EYA1: variants seen among roughly 807,000 people sequenced by gnomAD.
EYA1 encodes the protein EYA transcriptional coactivator and phosphatase 1.
EYA1 carries 16 observed loss-of-function variants against 82.0 expected under a neutral mutation model. The ratio of observed to expected loss-of-function variants is 0.20; its 90% confidence interval spans 0.13 to 0.30. The LOEUF (loss-of-function observed/expected upper bound fraction) is 0.30. Among genes scored for constraint, EYA1 ranks in the 10% least tolerant of loss-of-function variants. The probability of loss-of-function intolerance (pLI) is 1.00; values close to 1 mark genes in which losing one functional copy is unlikely to be tolerated. For missense variants in EYA1, 633 were observed against 730.7 expected (o/e 0.87, Z 1.54); for synonymous variants, 261 against 264.4 (o/e 0.99, Z 0.12).
chr8:71,448,009 C>CTT lies in EYA1; in HGVS notation c.33+87733_33+87734dup, dbSNP rs548078514. The stretch of plus-strand genomic sequence containing the variant: ...CATGGAATGCAAAGCTGTTTAAGAG[C>CTT]TTTTTTTTTTTTTTTTTCTCGCTCC... On this transcript the variant is annotated intron_variant, in intron 2 of 18. Transcript: ENST00000643681. Among the ~76,000 whole-genome samples the CTT allele has an allele frequency of 3.7e-4, 26 of 70,804 alleles. 1 individual carries two copies. The highest frequency in any genetic ancestry group is 9.0e-4 in the East Asian group (1 of 1,116). The allele number at this position is 70,804 out of a possible 152,430, so 46.5% of individuals were successfully genotyped here.
At chr8:71,488,703 T>C (rs1810759445) in intron 2 of EYA1, among the ~76,000 whole-genome samples, 1 of 152,362 alleles carries the variant, frequency 6.6e-6, no homozygotes, top group South Asian at 2.1e-4. Flanking sequence ...AGCTGGTCTC[T>C]ACACACTTTA....
At position 71,215,506 on chromosome 8, in the gene EYA1, G is replaced by C; in HGVS notation, c.1478C>G (p.Thr493Arg). 2.5e-6 allele frequency: 4 copies of C among 1,613,716 alleles called. No individual in the cohort carries two copies. The highest frequency in any genetic ancestry group is 3.4e-6 in the Non-Finnish European group (4 of 1,179,638). The change falls in exon 16 of 18, where the codon ACA (threonine) becomes AGA (arginine). Residue 493 changes from threonine to arginine, a missense_variant and splice_region_variant. Thr to Arg is a moderately conservative substitution (Grantham distance 71). Coordinates refer to ENST00000340726, the MANE Select transcript of EYA1 (RefSeq NM_000503.6). Reference sequence around the variant, plus strand: ...TGTTACTAAAATATTCACACAGTTTGTCCTATGAGAACAAAAAGAAAACAA... The same window carrying C: ...TGTTACTAAAATATTCACACAGTTTCTCCTATGAGAACAAAAAGAAAACAA... ...LKALSLIHSR[T>R]NCVNILVTTT...
intron 12 of EYA1, among the ~76,000 whole-genome samples, chr8:71,233,965 T>C (rs1811532785): frequency 6.6e-6 from 1 of 152,186 alleles, no homozygotes; most frequent in Non-Finnish European, 1.5e-5. Context: ...CCTCAAGGGA[T>C]TTCCCAGTGG....
intron 4 of EYA1, among the ~76,000 whole-genome samples, chr8:71,332,570 T>C (rs184054675): frequency 3.3e-5 from 5 of 152,302 alleles, no homozygotes; most frequent in African/African-American, 1.2e-4. Context: ...TATTTCTTGC[T>C]CAAATTAATA....
intron 2 of EYA1, among the ~76,000 whole-genome samples, chr8:71,367,223 T>A (rs926489902): frequency 4.6e-5 from 7 of 152,174 alleles, no homozygotes; most frequent in African/African-American, 7.2e-5. Context: ...AGCAATTATA[T>A]GCATGTCTTG....
chr8:71,237,381 A>G (rs914319976), intron 12 of EYA1, among the ~76,000 whole-genome samples: 13 of 152,156 alleles, frequency 8.5e-5, no homozygotes, highest in African/African-American at 3.1e-4. Context: ...TTATCTGTTC[A>G]TGGTCTTTGC....
At chr8:71,250,935 A>C (rs1253051702) in intron 11 of EYA1, among the ~76,000 whole-genome samples, 1 of 152,234 alleles carries the variant, frequency 6.6e-6, no homozygotes, top group African/African-American at 2.4e-5. Context: ...TGTCAGTGAA[A>C]AAACAATTCC....
At chr8:71,455,711 T>G (rs1266866950) in intron 2 of EYA1, among the ~76,000 whole-genome samples, 2 of 152,200 alleles carry the variant, frequency 1.3e-5, no homozygotes, top group East Asian at 3.9e-4. Context: ...TCAACAGCCT[T>G]CCTGCTAAAA....
chr8:71,510,165 T>A (rs1812488286), intron 2 of EYA1, among the ~76,000 whole-genome samples: 1 of 152,180 alleles, frequency 6.6e-6, no homozygotes, highest in Admixed American at 6.6e-5. Context: ...TGTACTCATT[T>A]TCATACTTTA....
chr8:71,325,509 A>G (rs1823051166), intron 4 of EYA1, among the ~76,000 whole-genome samples: 1 of 152,190 alleles, frequency 6.6e-6, no homozygotes. Context: ...GAATCAACAC[A>G]CACTATTTGT....
intron 2 of EYA1, among the ~76,000 whole-genome samples, chr8:71,468,778 A>G (rs1808963385): frequency 6.6e-6 from 1 of 152,094 alleles, no homozygotes; most frequent in Non-Finnish European, 1.5e-5. Flanking sequence ...AGCCTTTGAG[A>G]TAACGTGCTC....
rs144507978 is a variant in EYA1, at chr8:71,247,749, A to T, written c.1051-3057T>A. ...AAGCAAATGCTCAAATAGACCCTAC[A>T]GCTGAATTAACCTGTAGGGGAAGCT... On this transcript the variant is annotated intron_variant, in intron 11 of 17. Transcript: ENST00000340726. Among the ~76,000 whole-genome samples the T allele has an allele frequency of 3.2e-3, 483 of 152,322 alleles. 1 individual carries two copies. The highest frequency in any genetic ancestry group is 5.2e-3 in the Non-Finnish European group (357 of 68,038).
At chr8:71,468,227 A>G (rs1808917685) in intron 2 of EYA1, among the ~76,000 whole-genome samples, 1 of 152,116 alleles carries the variant, frequency 6.6e-6, no homozygotes, top group African/African-American at 2.4e-5. Flanking sequence ...CCATTAGGCA[A>G]AGAATAACCC....
chr8:71,240,031 A>G (rs1010398408), intron 12 of EYA1, among the ~76,000 whole-genome samples: 2 of 152,224 alleles, frequency 1.3e-5, no homozygotes, highest in Admixed American at 6.5e-5. Flanking sequence ...CATAAATAAC[A>G]CATATTAAAA....
chr8:71,274,770 C>T (rs1361161137), intron 9 of EYA1, among the ~76,000 whole-genome samples: 1 of 152,186 alleles, frequency 6.6e-6, no homozygotes, highest in African/African-American at 2.4e-5. Context: ...TGCAGGCTTA[C>T]AGAAGCTTCC....
At chr8:71,413,285 C>T (rs1830700398) in intron 2 of EYA1, among the ~76,000 whole-genome samples, 1 of 152,212 alleles carries the variant, frequency 6.6e-6, no homozygotes, top group Admixed American at 6.5e-5. Context: ...CAGCCTGCCT[C>T]CCTAACAGAA....
intron 2 of EYA1, among the ~76,000 whole-genome samples, chr8:71,396,465 G>T (rs1027798982): frequency 6.6e-6 from 1 of 152,184 alleles, no homozygotes; most frequent in African/African-American, 2.4e-5. Flanking sequence ...TGCTTTAAAT[G>T]TGTCCCAGAG....
chr8:71,199,548 C>T (rs992956665), intron 17 of EYA1, 128 bp from the exon 18 acceptor site: 2 of 704,116 alleles, frequency 2.8e-6, no homozygotes, highest in African/African-American at 1.7e-5. Flanking sequence ...AACATCTTAA[C>T]ATCACATCTG....
intron 2 of EYA1, among the ~76,000 whole-genome samples, chr8:71,506,662 G>A (rs979875750): frequency 5.9e-5 from 9 of 152,102 alleles, no homozygotes; most frequent in African/African-American, 1.9e-4. Context: ...TAAGTATTTT[G>A]TGTAAACAAA....
Sources: allele counts gnomAD v4.1 joint callset (sites outside exome capture counted in the v4.1 genomes callset), GRCh38; gene constraint gnomAD v4.1.1; transcripts MANE v1.5; gene names NCBI Gene and HGNC (gene_info 2026-07-23, HGNC 2026-07-21).